Variants in PEG3 observed in about 807,000 individuals in gnomAD.
PEG3 encodes paternally expressed 3, also known as paternally-expressed gene 3 protein.
In PEG3, 23 loss-of-function variants were observed where a neutral mutation model predicts 35.5. The ratio of observed to expected loss-of-function variants is 0.65; its 90% CI spans 0.47 to 0.92. PEG3 has a LOEUF of 0.92. Ranked by LOEUF, PEG3 falls within the 40% of genes least tolerant of loss-of-function variation. PEG3 has a pLI of 0.00. For synonymous variants in PEG3, 707 were observed against 697.0 expected (o/e 1.01, Z -0.23); for missense variants, 1,960 against 1,985.3 (o/e 0.99, Z 0.24).
At chr19:56,839,628 A>T (rs948691042) in intron 1 of PEG3, among the ~76,000 whole-genome samples, 6 of 152,208 alleles carry the variant, frequency 3.9e-5, no homozygotes, top group Non-Finnish European at 5.9e-5. Flanking sequence ...CCAATCAACT[A>T]GAACAGCGCC....
Position 56,817,562 on chromosome 19 carries a change from C to T in PEG3, c.880G>A (p.Glu294Lys), listed in dbSNP as rs1186908388. The T allele has an allele frequency of 6.3e-7, 1 of 1,592,730 alleles. No homozygotes were observed. Among genetic ancestry groups the T allele is most frequent in the Non-Finnish European group, 8.6e-7 (1 of 1,168,894 alleles). ...STSRGLKTMP[E>K]AKKSTHRRGI... ...CGCCGGTGGGTTGATTTTTTGGCTTCAGGCATAGTTTTTAGACCTGGAAAG... is the reference window on the plus strand; with the variant it reads ...CGCCGGTGGGTTGATTTTTTGGCTTTAGGCATAGTTTTTAGACCTGGAAAG... Residue 294 changes from glutamate to lysine, a missense_variant, in exon 10 of 10, where the codon GAA (glutamate) becomes AAA (lysine). Coordinates refer to ENST00000326441, the MANE Select transcript of PEG3 (RefSeq NM_006210.3).
intron 7 of PEG3, among the ~76,000 whole-genome samples, chr19:56,819,174 G>A (rs892650015): frequency 1.3e-5 from 2 of 152,070 alleles, no homozygotes; most frequent in African/African-American, 4.8e-5. Flanking sequence ...AAACAGGCAC[G>A]GAGTACTCAG....
rs776741522 is a variant in PEG3, at chr19:56,818,613, C to T, written c.759G>A (p.Lys253=). ...TIQDNMENYR[K]LLSLVQLAED... ...GCAGCTGCTTACCGAGGGAGAGCAG[C>T]TTCCTGTAGTTTTCCATGTTGTCCT... Residue 253 remains lysine (K), a synonymous_variant, in exon 8 of 10, where the codon AAG becomes AAA. Coordinates refer to ENST00000326441, the MANE Select transcript of PEG3 (RefSeq NM_006210.3). 6.2e-7 allele frequency: 1 copy of T among 1,614,116 alleles called. No individual in the cohort carries two copies. Among genetic ancestry groups the T allele is most frequent in the Non-Finnish European group, 8.5e-7 (1 of 1,180,026 alleles).
chr19:56,814,335 T>C lies in PEG3; in HGVS notation c.4107A>G (p.Ala1369=). 1 of 1,613,458 alleles carries C rather than the reference T, an allele frequency of 6.2e-7. No individual in the cohort carries two copies. Reference sequence around the variant, plus strand: ...CATTGGCTTCAACTTCCTGGGCTGCTGCTGCTGCAGCTGCTGCTGCTTCAT... The same window carrying C: ...CATTGGCTTCAACTTCCTGGGCTGCCGCTGCTGCAGCTGCTGCTGCTTCAT... ...EEDEAAAAAA[A]AAQEVEANVH... The change falls in exon 10 of 10, where the codon GCA becomes GCG. Residue 1369 remains alanine, a synonymous_variant. Transcript: ENST00000326441. The surrounding 1 kb of genome is among the most constrained non-coding windows in gnomAD (Gnocchi z 5.8).
Position 56,817,538 on chromosome 19 carries a change from G to A in PEG3, c.904C>T (p.Arg302Trp), listed in dbSNP as rs771139564. Residue 302 changes from arginine to tryptophan, a missense_variant, in exon 10 of 10, where the codon CGG (arginine) becomes TGG (tryptophan). Physicochemically the swap from Arg to Trp is moderately radical, Grantham distance 101. This residue lies in a region of PEG3 where 613 missense variants were observed against 577.1 expected (regional missense o/e 1.06). Transcript: ENST00000326441. ...MPEAKKSTHR[R>W]GICEDESSHG... ...GAAGATTCATCTTCACAAATCCCCC[G>A]CCGGTGGGTTGATTTTTTGGCTTCA... is the stretch of plus-strand genomic sequence containing the variant. The A allele has an allele frequency of 2.6e-5, 42 of 1,597,746 alleles. No homozygotes were observed. The highest frequency in any genetic ancestry group is 1.3e-4 in the East Asian group (6 of 44,614).
At chr19:56,836,969 C>CAAAAA (rs573566620) in intron 1 of PEG3, among the ~76,000 whole-genome samples, 56 of 116,954 alleles carry the variant, frequency 4.8e-4, no homozygotes, top group Non-Finnish European at 5.9e-4. Flanking sequence ...GACTCTGTCT[C>CAAAAA]AAAAAAAAAA....
chr19:56,813,963 A>T lies in PEG3; in HGVS notation c.4479T>A (p.Gly1493=). 6.2e-7 allele frequency: 1 copy of T among 1,613,884 alleles called. No homozygotes were observed. The highest frequency in any genetic ancestry group is 8.5e-7 in the Non-Finnish European group (1 of 1,179,942). ...DGVGIEDPEE[G]EDQEIQVEEP... Reference sequence around the variant, plus strand: ...CTTCTACCTGAATCTCTTGATCTTCACCTTCTTCTGGGTCTTCAATTCCCA... The same window carrying T: ...CTTCTACCTGAATCTCTTGATCTTCTCCTTCTTCTGGGTCTTCAATTCCCA... Residue 1493 remains glycine, a synonymous_variant, in exon 10 of 10, where the codon GGT becomes GGA. Coordinates refer to ENST00000326441, the MANE Select transcript of PEG3 (RefSeq NM_006210.3).
chr19:56,831,650 A>G (rs748192584), intron 2 of PEG3, among the ~76,000 whole-genome samples: 14 of 152,266 alleles, frequency 9.2e-5, no homozygotes, highest in Non-Finnish European at 1.8e-4. Flanking sequence ...GAATGAAAAC[A>G]AAGTATTTAG....
In PEG3 at chr19:56,815,082, T is replaced by A; in HGVS notation, c.3360A>T (p.Thr1120=). 6.2e-7 allele frequency: 1 copy of A among 1,613,882 alleles called. No individual in the cohort carries two copies. The change falls in exon 10 of 10, where the codon ACA becomes ACT. Residue 1120 remains threonine, a synonymous_variant. Coordinates refer to ENST00000326441, the MANE Select transcript of PEG3 (RefSeq NM_006210.3). ...EDCGLGFVDL[T]DLTDHQKVHS... ...GGACTTTCTGATGGTCTGTGAGGTC[T>A]GTGAGATCCACAAAGCCCAGGCCAC...
chr19:56,812,574 G>T lies in PEG3; in HGVS notation c.*1101C>A. Reference sequence around the variant, plus strand: ...CAGCATAAGCTGATGCTGCACAGGGGACCCAAGCCATGTTGCTACTTGTCA... The same window carrying T: ...CAGCATAAGCTGATGCTGCACAGGGTACCCAAGCCATGTTGCTACTTGTCA... On this transcript the variant is annotated 3_prime_UTR_variant, in exon 10 of 10. Transcript: ENST00000326441. 1 of 985,762 alleles carries T rather than the reference G, an allele frequency of 1.0e-6. No individual in the cohort carries two copies. 61.1% of individuals were successfully genotyped at this position (985,762 alleles called of 1,614,324 possible).
rs543668468 is a variant in PEG3, at chr19:56,818,769, T to C, written c.670-67A>G. On this transcript the variant is annotated intron_variant, in intron 7 of 9. Transcript: ENST00000326441. ...ACCGATGTTCAAAGACAGAATAATGTTGGCAACATGGGAGTTACATATATG... is the reference window on the plus strand; with the variant it reads ...ACCGATGTTCAAAGACAGAATAATGCTGGCAACATGGGAGTTACATATATG... 14 of 1,558,762 alleles carry C rather than the reference T, an allele frequency of 9.0e-6. No individual in the cohort carries two copies. The Admixed American group carries it at 1.0e-4, about 11-fold the overall frequency.
Position 56,836,032 on chromosome 19 carries a change from CT to C in PEG3, c.-178del, listed in dbSNP as rs2044463389. On this transcript the variant is annotated 5_prime_UTR_variant, in exon 2 of 10. Transcript: ENST00000326441. ...ATTCAACTCACCTGGACCCAGCCAC[CT>C]AGCGTTTGGACCTAGTCCCTCTTCC... 2.0e-6 allele frequency: 1 copy of C among 511,866 alleles called. No homozygotes were observed. The highest frequency in any genetic ancestry group is 1.4e-5 in the South Asian group (1 of 69,516). The allele number at this position is 511,866 out of a possible 1,614,324, so 31.7% of individuals were successfully genotyped here.
In PEG3 at chr19:56,814,173, T is replaced by A; in HGVS notation, c.4269A>T (p.Glu1423Asp). 1 of 1,613,508 alleles carries A rather than the reference T, an allele frequency of 6.2e-7. No individual in the cohort carries two copies. The highest frequency in any genetic ancestry group is 8.5e-7 in the Non-Finnish European group (1 of 1,179,888). ...VEAAEPNGEA[E>D]GPDGEAAEPI... Reference sequence around the variant, plus strand: ...GCTCTGCAGCCTCTCCATCTGGCCCTTCAGCCTCTCCGTTTGGCTCAGCAG... The same window carrying A: ...GCTCTGCAGCCTCTCCATCTGGCCCATCAGCCTCTCCGTTTGGCTCAGCAG... The change falls in exon 10 of 10, where the codon GAA (glutamate) becomes GAT (aspartate). Residue 1423 changes from glutamate (E) to aspartate (D), a missense_variant. Physicochemically the swap from Glu to Asp is conservative, Grantham distance 45. This residue lies in a region of PEG3 where 416 missense variants were observed against 416.7 expected (regional missense o/e 1.00). Transcript: ENST00000326441. The surrounding 1 kb of genome is among the most constrained non-coding windows in gnomAD (Gnocchi z 5.8).
rs2146158860 is a variant in PEG3 at position 56,815,016 on chromosome 19, A to G, written c.3426T>C (p.His1142=). 6.2e-7 allele frequency: 1 copy of G among 1,614,150 alleles called. No homozygotes were observed. The highest frequency in any genetic ancestry group is 2.2e-5 in the East Asian group (1 of 44,876). ...TGATGGAATGGGTGTGAATTACAGA[A>G]TGTGTGTACTCCCGACTGTCAACCA... ...KCLVDSREYT[H]SVIHTHSISE... The change falls in exon 10 of 10, where the codon CAT becomes CAC. Residue 1142 remains histidine, a synonymous_variant. Coordinates refer to ENST00000326441, the MANE Select transcript of PEG3 (RefSeq NM_006210.3).
In PEG3 at chr19:56,824,243, A is replaced by AC. The variant is rs2060800083; in HGVS notation, c.394+18dup. On this transcript the variant is annotated intron_variant, in intron 4 of 9. Coordinates refer to ENST00000326441, the MANE Select transcript of PEG3 (RefSeq NM_006210.3). ...CCTGAGGCCTGCACTGACCACCAAC[A>AC]CCCCGTGGAGACTCTCACCTTCTGG... The AC allele has an allele frequency of 6.2e-7, 1 of 1,609,710 alleles. No individual in the cohort carries two copies. The highest frequency in any genetic ancestry group is 8.5e-7 in the Non-Finnish European group (1 of 1,177,772).
Position 56,817,799 on chromosome 19 carries a change from G to A in PEG3, c.809C>T (p.Thr270Met), listed in dbSNP as rs148655323. 5.5e-4 allele frequency: 886 copies of A among 1,614,072 alleles called. No individual in the cohort carries two copies. The highest frequency in any genetic ancestry group is 7.0e-4 in the Non-Finnish European group (822 of 1,180,016). ...LAEDDGHSHM[T>M]QGHSSRSKRS... is the part of the protein sequence containing the mutation. The stretch of plus-strand genomic sequence containing the variant: ...CTTGGATCTTGATGAGTGGCCCTGC[G>A]TCATGTGGGAGTGGCCATCGTCTTC... Residue 270 changes from threonine (T) to methionine (M), a missense_variant, in exon 9 of 10, where the codon ACG becomes ATG. Coordinates refer to ENST00000326441, the MANE Select transcript of PEG3 (RefSeq NM_006210.3).
chr19:56,839,820 T>G (rs2146773268), intron 1 of PEG3, among the ~76,000 whole-genome samples: 1 of 150,552 alleles, frequency 6.6e-6, no homozygotes, highest in Middle Eastern at 3.7e-3. Context: ...TGGCACCCAG[T>G]GGGTGGGGCT....
chr19:56,816,698 G>T lies in PEG3; in HGVS notation c.1744C>A (p.Gln582Lys), dbSNP rs1482740003. 2 of 1,614,070 alleles carry T rather than the reference G, an allele frequency of 1.2e-6. No homozygotes were observed. The highest frequency in any genetic ancestry group is 1.1e-5 in the South Asian group (1 of 91,070). ...FLHSSALIEH[Q>K]KIHFGDDKDN... ...TTGTCATCCCCAAAGTGGATTTTCT[G>T]GTGCTCAATCAGGGCAGAACTATGA... Residue 582 changes from glutamine (Q) to lysine (K), a missense_variant, in exon 10 of 10, where the codon CAG (glutamine) becomes AAG (lysine). By Grantham distance (53) the Gln-to-Lys change is moderately conservative. This residue lies in a region of PEG3 where 798 missense variants were observed against 782.4 expected (regional missense o/e 1.02). Coordinates refer to ENST00000326441, the MANE Select transcript of PEG3 (RefSeq NM_006210.3).
At chr19:56,817,709 T>C in intron 9 of PEG3, 37 bp downstream of exon 9, 2 of 1,583,592 alleles carry the variant, frequency 1.3e-6, no homozygotes, top group Non-Finnish European at 1.7e-6. Context: ...ATCTCACTGG[T>C]TGTGTGGCTC....
Sources: allele counts gnomAD v4.1 joint callset (sites outside exome capture counted in the v4.1 genomes callset), GRCh38; gene constraint gnomAD v4.1.1; regional missense constraint gnomAD v4.1.1; non-coding constraint Gnocchi (gnomAD v3.1); transcripts MANE v1.5; gene names NCBI Gene and HGNC (gene_info 2026-07-23, HGNC 2026-07-21).